Variants in ATPAF1 observed in about 807,000 individuals in gnomAD.
The protein encoded by ATPAF1 is ATP synthase mitochondrial F1 complex assembly factor 1.
ATPAF1 carries 26 observed loss-of-function variants against 43.9 expected under a neutral mutation model. The observed-to-expected ratio is 0.59, with a 90% confidence interval of 0.43 to 0.82. ATPAF1 has a LOEUF of 0.82. ATPAF1 is among the 40% of genes least tolerant of loss of function. ATPAF1 has a pLI of 0.00. For missense variants in ATPAF1, 366 were observed against 435.0 expected, an observed-to-expected ratio of 0.84 and a Z score of 1.41; for synonymous variants, 157 against 168.0, an observed-to-expected ratio of 0.93 and a Z score of 0.50.
intron 1 of ATPAF1, chr1:46,666,028 A>G (rs1569644124): frequency 6.7e-6 from 2 of 297,676 alleles, no homozygotes; most frequent in East Asian, 2.3e-4. Context: ...TTGGTTTTGT[A>G]CACTTTGGTG....
At chr1:46,663,160 A>G (rs1191248319) in intron 2 of ATPAF1, among the ~76,000 whole-genome samples, 1 of 152,028 alleles carries the variant, frequency 6.6e-6, no homozygotes, top group Non-Finnish European at 1.5e-5. Flanking sequence ...TATGTGCCAC[A>G]TTTTCTTGAT....
intron 1 of ATPAF1, among the ~76,000 whole-genome samples, chr1:46,667,768 G>A (rs990340278): frequency 2.0e-5 from 3 of 152,186 alleles, no homozygotes; most frequent in South Asian, 2.1e-4. Context: ...ATGAGGACAG[G>A]TGTCTCTGAG....
Position 46,668,121 on chromosome 1 carries a change from C to A in ATPAF1, c.202G>T (p.Glu68Ter). The A allele has an allele frequency of 7.0e-7, 1 of 1,434,424 alleles. No homozygotes were observed. Among genetic ancestry groups the A allele is most frequent in the Non-Finnish European group, 9.1e-7 (1 of 1,093,096 alleles). 88.9% of individuals were successfully genotyped at this position (1,434,424 alleles called of 1,614,324 possible). The stretch of plus-strand genomic sequence containing the variant: ...AAAGGGTTGGCCTGGAGCTCGGCCT[C>A]GGCCCCGACCCCGCTGCTGTCGGCG... The change falls in exon 1 of 9, where the codon GAG becomes TAG. Residue 68 changes from glutamate to a stop codon, truncating the protein, a stop_gained. Coordinates refer to ENST00000574428, the Ensembl canonical transcript of ATPAF1. LOFTEE classifies it high-confidence loss of function. The surrounding 1 kb of genome is among the most constrained non-coding windows in gnomAD (Gnocchi z 4.4).
downstream of ATPAF1, chr1:46,633,563 A>G: frequency 2.6e-6 from 1 of 389,898 alleles, no homozygotes; most frequent in Non-Finnish European, 4.9e-6. Context: ...CCAGGGGACA[A>G]ATTTACTGAT....
chr1:46,638,567 A>G (rs1675887071), intron 8 of ATPAF1, among the ~76,000 whole-genome samples: 1 of 151,346 alleles, frequency 6.6e-6, no homozygotes, highest in African/African-American at 2.4e-5. Flanking sequence ...GCTTGCAGTG[A>G]GCCGAGATCC....
chr1:46,643,173 GT>G lies in ATPAF1; in HGVS notation c.792+20del, dbSNP rs780911565. ...CAGTGCCATGAGGTAAATCCAAAGA[GT>G]TTTGCAAGTTAATTCTTACCAGAAA... On this transcript the variant is annotated intron_variant, in intron 8 of 8. Transcript: ENST00000574428. 1.3e-6 allele frequency: 2 copies of G among 1,588,542 alleles called. No homozygotes were observed. Among genetic ancestry groups the G allele is most frequent in the Non-Finnish European group, 1.7e-6 (2 of 1,157,992 alleles).
At chr1:46,663,949 G>T in intron 2 of ATPAF1, 1 of 1,247,492 alleles carries the variant, frequency 8.0e-7, no homozygotes. Context: ...TCAAATAATA[G>T]GTTGTGAAAT....
intron 6 of ATPAF1, among the ~76,000 whole-genome samples, chr1:46,649,542 C>A (rs2476155): frequency 0.14 from 21,350 of 152,166 alleles, 3,831 homozygotes; most frequent in African/African-American, 0.4. Flanking sequence ...AATTTTAAAA[C>A]CAGCTCATCA....
upstream of ATPAF1, chr1:46,668,459 G>A (rs1346922871): frequency 4.3e-5 from 48 of 1,107,974 alleles, no homozygotes; most frequent in Admixed American, 9.6e-5. This position sits in a 1 kb window ranked among gnomAD's most constrained non-coding sequence, Gnocchi z 4.4. Context: ...TCCGGGCGCG[G>A]GATAGCGGCG....
chr1:46,637,631 G>C (rs1027156480), intron 8 of ATPAF1, among the ~76,000 whole-genome samples: 1 of 152,054 alleles, frequency 6.6e-6, no homozygotes, highest in African/African-American at 2.4e-5. Context: ...GATGAAGACG[G>C]GTTTATAAAT....
downstream of ATPAF1, chr1:46,634,877 A>G (rs1162453407): frequency 6.6e-6 from 1 of 152,642 alleles, no homozygotes; most frequent in Non-Finnish European, 1.5e-5. Context: ...TGGACAGTAC[A>G]TAACTCAGAT....
intron 6 of ATPAF1, among the ~76,000 whole-genome samples, chr1:46,647,064 C>G (rs894936739): frequency 6.6e-6 from 1 of 152,176 alleles, no homozygotes; most frequent in Non-Finnish European, 1.5e-5. Flanking sequence ...TTCTGACTAA[C>G]CCCAAGTCCA....
intron 2 of ATPAF1, among the ~76,000 whole-genome samples, chr1:46,663,231 C>T (rs927285023): frequency 1.6e-4 from 24 of 152,160 alleles, no homozygotes; most frequent in Admixed American, 6.5e-4. Flanking sequence ...TGAATAGTGC[C>T]GCAATAAACA....
chr1:46,644,440 GTTA>G (rs1676002881), intron 7 of ATPAF1, among the ~76,000 whole-genome samples: 1 of 152,130 alleles, frequency 6.6e-6, no homozygotes, highest in South Asian at 2.1e-4. Context: ...CAAATTGTTG[GTTA>G]TTAAAGTATG....
At chr1:46,667,149 T>C (rs1373539111) in intron 1 of ATPAF1, among the ~76,000 whole-genome samples, 1 of 152,106 alleles carries the variant, frequency 6.6e-6, no homozygotes, top group East Asian at 1.9e-4. Context: ...TGGGGTAAAG[T>C]AGTCCAGGAA....
At chr1:46,663,713 C>T (rs533379117) in intron 2 of ATPAF1, 4 of 346,138 alleles carry the variant, frequency 1.2e-5, no homozygotes, top group Middle Eastern at 5.1e-4. Context: ...CATTAAGACT[C>T]AGCAGATTCA....
chr1:46,665,027 T>C, intron 2 of ATPAF1: 1 of 504,896 alleles, frequency 2.0e-6, no homozygotes, highest in South Asian at 2.7e-5. Flanking sequence ...AGACTGCTCC[T>C]CTTGGGAGCA....
intron 8 of ATPAF1, among the ~76,000 whole-genome samples, chr1:46,641,554 CTCTCT>C (rs1278384674): frequency 6.6e-6 from 1 of 152,158 alleles, no homozygotes; most frequent in African/African-American, 2.4e-5. Context: ...TCTTCCCATC[CTCTCT>C]TAAGTCTACT....
chr1:46,641,278 C>T (rs902234186), intron 8 of ATPAF1, among the ~76,000 whole-genome samples: 2 of 151,970 alleles, frequency 1.3e-5, no homozygotes, highest in African/African-American at 4.8e-5. Flanking sequence ...AGGGTTTCAT[C>T]ACATTGGCCA....
Sources: gnomAD v4.1 joint callset for allele counts (sites outside exome capture counted in the v4.1 genomes callset) on GRCh38, gnomAD v4.1.1 for gene constraint, Gnocchi (gnomAD v3.1) non-coding constraint, MANE v1.5 for transcripts, NCBI Gene and HGNC (gene_info 2026-07-23, HGNC 2026-07-21) for gene names.